Variants in MMP12 observed in about 807,000 individuals in gnomAD.
The protein encoded by MMP12 is macrophage metalloelastase.
Under a neutral mutation model 45.2 loss-of-function variants are expected in MMP12, and 51 were observed. That is an observed-to-expected ratio of 1.13 (90% CI 0.90 to 1.42). The LOEUF (loss-of-function observed/expected upper bound fraction) is 1.42, where lower values mean the gene tolerates loss of function less well. MMP12 is among the 40% of genes most tolerant of loss of function. The probability of loss-of-function intolerance (pLI) is 0.00; values close to 1 mark genes in which losing one functional copy is unlikely to be tolerated. For synonymous variants in MMP12, 210 were observed against 193.3 expected, an observed-to-expected ratio of 1.09 and a Z score of -0.72; for missense variants, 530 against 570.8, an observed-to-expected ratio of 0.93 and a Z score of 0.73.
At position 102,862,750 on chromosome 11, in the gene MMP12, T is replaced by C. The variant is rs928447450; in HGVS notation, c.*350A>G. ...AAACCAAATGATTTTTTTTTCAATT[T>C]TATTTGAGCCAAAATATATATACTT... On this transcript the variant is annotated 3_prime_UTR_variant, in exon 10 of 10. Transcript: ENST00000571244. 6.3e-6 allele frequency: 1 copy of C among 158,540 alleles called. No individual in the cohort carries two copies. The highest frequency in any genetic ancestry group is 1.4e-5 in the Non-Finnish European group (1 of 72,472). The allele number at this position is 158,540 out of a possible 1,614,324, so 9.8% of individuals were successfully genotyped here. A position where few individuals can be genotyped will look rare whatever the true frequency, so the allele number is the denominator to read the frequency against.
intron 7 of MMP12, 27 bp downstream of exon 7, chr11:102,866,288 A>G (rs1555008524): frequency 1.9e-6 from 3 of 1,546,388 alleles, no homozygotes; most frequent in Admixed American, 4.2e-5. Flanking sequence ...AAGTAAACTC[A>G]ATGGCAAAAC....
intron 4 of MMP12, 101 bp downstream of exon 4, chr11:102,871,493 G>T: frequency 1.5e-6 from 2 of 1,357,952 alleles, no homozygotes; most frequent in African/African-American, 2.9e-5. Flanking sequence ...TTGTCAGAAT[G>T]TAGTCTCTCG....
chr11:102,868,054 A>G lies in MMP12; in HGVS notation c.641T>C (p.Leu214Pro), dbSNP rs782331343. 6.3e-7 allele frequency: 1 copy of G among 1,597,446 alleles called. No homozygotes were observed. The highest frequency in any genetic ancestry group is 1.3e-5 in the African/African-American group (1 of 74,702). The part of the protein sequence containing the change: ...TTHSGGTNLF[L>P]TAVHEIGHSL... The stretch of plus-strand genomic sequence containing the variant: ...ATGGCCAATCTCGTGAACAGCAGTG[A>G]GGAACAAGTTTGTGCCTAAGAAGAA... Residue 214 changes from leucine to proline, a missense_variant, in exon 5 of 10, where the codon CTC (leucine) becomes CCC (proline). Physicochemically the swap from Leu to Pro is moderately conservative, Grantham distance 98 (BLOSUM62 -3). Coordinates refer to ENST00000571244, the MANE Select transcript of MMP12 (RefSeq NM_002426.6).
chr11:102,864,557 T>A (rs1262428479), intron 8 of MMP12, among the ~76,000 whole-genome samples: 1 of 152,208 alleles, frequency 6.6e-6, no homozygotes, highest in Non-Finnish European at 1.5e-5. Context: ...CAGTGACCGA[T>A]TCTTCAGTTG....
rs782677013 is a variant in MMP12, at chr11:102,873,098, T to G, written c.117A>C (p.Lys39Asn). The G allele has an allele frequency of 6.2e-7, 1 of 1,611,902 alleles. No individual in the cohort carries two copies. The highest frequency in any genetic ancestry group is 1.7e-5 in the Admixed American group (1 of 59,636). The change falls in exon 2 of 10, where the codon AAA becomes AAC. Residue 39 changes from lysine to asparagine, a missense_variant. Transcript: ENST00000571244. Reference sequence around the variant, plus strand: ...GTTTGTTTATCTCAAGGCCATAAAATTTTTCTAAGTATCTCTGGAAAAAAA... The same window carrying G: ...GTTTGTTTATCTCAAGGCCATAAAAGTTTTCTAAGTATCTCTGGAAAAAAA... ...NVLFGERYLE[K>N]FYGLEINKLP...
intron 4 of MMP12, among the ~76,000 whole-genome samples, chr11:102,869,613 A>G (rs1859455597): frequency 6.6e-6 from 1 of 152,086 alleles, no homozygotes; most frequent in Non-Finnish European, 1.5e-5. Flanking sequence ...TTACTGGGTA[A>G]AAGAAAACAG....
chr11:102,868,033 C>G lies in MMP12; in HGVS notation c.662G>C (p.Gly221Ala), dbSNP rs201408320. 1.6e-5 allele frequency: 25 copies of G among 1,602,610 alleles called. No homozygotes were observed. The highest frequency in any genetic ancestry group is 2.0e-5 in the Non-Finnish European group (24 of 1,174,626). The stretch of plus-strand genomic sequence containing the variant: ...AGAATGGCCAAGACCTAAGGAATGG[C>G]CAATCTCGTGAACAGCAGTGAGGAA... Reference protein sequence around the residue: ...NLFLTAVHEIGHSLGLGHSSD... With the variant: ...NLFLTAVHEIAHSLGLGHSSD... The change falls in exon 5 of 10, where the codon GGC (glycine) becomes GCC (alanine). Residue 221 changes from glycine to alanine, a missense_variant. Transcript: ENST00000571244.
intron 2 of MMP12, among the ~76,000 whole-genome samples, 182 bp from the exon 3 acceptor site, chr11:102,872,134 C>T (rs1024453664): frequency 6.6e-6 from 1 of 152,226 alleles, no homozygotes; most frequent in Admixed American, 6.5e-5. Flanking sequence ...CCTCCTTAAC[C>T]AAAATCTAAC....
At chr11:102,868,496 A>G (rs963656440) in intron 4 of MMP12, among the ~76,000 whole-genome samples, 3 of 152,188 alleles carry the variant, frequency 2.0e-5, no homozygotes, top group Non-Finnish European at 4.4e-5. Context: ...CTCAACTCTC[A>G]TGACTCAATT....
intron 1 of MMP12, 97 bp from the exon 2 acceptor site, chr11:102,873,209 G>A (rs1859534425): frequency 9.2e-7 from 1 of 1,082,076 alleles, no homozygotes; most frequent in Non-Finnish European, 1.3e-6. Flanking sequence ...TGATGCTTTT[G>A]GACCAGGAAT....
intron 1 of MMP12, 52 bp downstream of exon 1, chr11:102,874,784 A>G: frequency 4.9e-6 from 6 of 1,213,020 alleles, no homozygotes; most frequent in Non-Finnish European, 7.1e-6. Flanking sequence ...AATGCAATTA[A>G]ATCTTAAAGA....
At chr11:102,872,670 C>T (rs1859521868) in intron 2 of MMP12, among the ~76,000 whole-genome samples, 195 bp downstream of exon 2, 1 of 152,170 alleles carries the variant, frequency 6.6e-6, no homozygotes. Context: ...CTGCTTTGGA[C>T]TGGCAAGCCA....
In MMP12 at chr11:102,865,874, A is replaced by C. The variant is rs782116669; in HGVS notation, c.1107T>G (p.His369Gln). 1.2e-6 allele frequency: 2 copies of C among 1,613,076 alleles called. No individual in the cohort carries two copies. The highest frequency in any genetic ancestry group is 1.7e-5 in the Admixed American group (1 of 59,948). ...TCACAAAGTTAGGAAAACCAAAAGAATGTATGCTCTTGGGATAATTTGGCT... is the reference window on the plus strand; with the variant it reads ...TCACAAAGTTAGGAAAACCAAAAGACTGTATGCTCTTGGGATAATTTGGCT... ...RPEPNYPKSIHSFGFPNFVKK... is the reference protein window; with the variant it reads ...RPEPNYPKSIQSFGFPNFVKK... The change falls in exon 8 of 10, where the codon CAT becomes CAG. Residue 369 changes from histidine to glutamine, a missense_variant. Coordinates refer to ENST00000571244, the MANE Select transcript of MMP12 (RefSeq NM_002426.6). The surrounding 1 kb of genome is among the most constrained non-coding windows in gnomAD (Gnocchi z 4.1).
rs1476474716 is a variant in MMP12, at chr11:102,865,097, C to T, written c.1205+679G>A. Among the ~76,000 whole-genome samples the T allele has an allele frequency of 2.0e-5, 3 of 151,848 alleles. No homozygotes were observed. The highest frequency in any genetic ancestry group is 2.9e-5 in the Non-Finnish European group (2 of 67,918). On this transcript the variant is annotated intron_variant, in intron 8 of 9. Coordinates refer to ENST00000571244, the MANE Select transcript of MMP12 (RefSeq NM_002426.6). This position sits in a 1 kb window ranked among gnomAD's most constrained non-coding sequence, Gnocchi z 4.1. ...TGGACAAATTCAAGTCATAAGCATC[C>T]GGTATTCAATTGGAATTAGATATTG... is the stretch of plus-strand genomic sequence containing the variant.
intron 4 of MMP12, among the ~76,000 whole-genome samples, chr11:102,870,295 A>G (rs540635396): frequency 9.8e-5 from 15 of 152,374 alleles, no homozygotes; most frequent in African/African-American, 3.6e-4. Context: ...TTAGGCACAT[A>G]TAACATGTCT....
chr11:102,867,547 GT>G (rs1388754516), intron 5 of MMP12, among the ~76,000 whole-genome samples, 154 bp from the exon 6 acceptor site: 1 of 151,824 alleles, frequency 6.6e-6, no homozygotes, highest in African/African-American at 2.4e-5. Flanking sequence ...ATAAAGTAAG[GT>G]TTTTTTTCCA....
intron 9 of MMP12, among the ~76,000 whole-genome samples, 199 bp from the exon 10 acceptor site, chr11:102,863,399 C>T (rs1859327420): frequency 6.6e-6 from 1 of 152,060 alleles, no homozygotes; most frequent in South Asian, 2.1e-4. Flanking sequence ...GCCTGGCCAT[C>T]ATCACAAGAC....
chr11:102,867,478 T>G (rs1193142986), intron 5 of MMP12, 85 bp from the exon 6 acceptor site: 11 of 1,239,906 alleles, frequency 8.9e-6, no homozygotes, highest in Non-Finnish European at 1.1e-5. Context: ...AATACTCAAT[T>G]TTCTTAATGA....
chr11:102,867,493 T>C (rs1859414186), intron 5 of MMP12, 100 bp from the exon 6 acceptor site: 1 of 1,162,708 alleles, frequency 8.6e-7, no homozygotes, highest in Non-Finnish European at 1.2e-6. Flanking sequence ...TAATGAACAT[T>C]GCATCAAAAT....
Sources: allele counts gnomAD v4.1 joint callset (sites outside exome capture counted in the v4.1 genomes callset), GRCh38; gene constraint gnomAD v4.1.1; non-coding constraint Gnocchi (gnomAD v3.1); transcripts MANE v1.5; gene names NCBI Gene and HGNC (gene_info 2026-07-23, HGNC 2026-07-21).